UTRN: variants seen among roughly 807,000 people sequenced by gnomAD.
The protein encoded by UTRN is utrophin, also known as dystrophin-related protein 1.
Under a neutral mutation model 463.9 loss-of-function variants are expected in UTRN, and 283 were observed. The observed-to-expected ratio is 0.61, with a 90% CI of 0.55 to 0.67. UTRN has a LOEUF of 0.67. UTRN is among the 30% of genes least tolerant of loss of function. UTRN has a pLI of 0.00. For synonymous variants in UTRN, 1,442 were observed against 1,431.5 expected, an observed-to-expected ratio of 1.01 and a Z score of -0.17; for missense variants, 3,922 against 4,084.3, an observed-to-expected ratio of 0.96 and a Z score of 1.08.
intron 73 of UTRN, among the ~76,000 whole-genome samples, chr6:144,843,401 C>A (rs4143177): frequency 0.18 from 27,741 of 152,060 alleles, 3,032 homozygotes; most frequent in Admixed American, 0.38. Context: ...TATACTCTGA[C>A]ATCCAGATTT....
chr6:144,715,115 G>A (rs898278618), intron 53 of UTRN, among the ~76,000 whole-genome samples: 1 of 152,102 alleles, frequency 6.6e-6, no homozygotes, highest in African/African-American at 2.4e-5. Flanking sequence ...CTCTACTTGA[G>A]TGTGTAATAA....
intron 51 of UTRN, among the ~76,000 whole-genome samples, chr6:144,658,528 T>A (rs1205148985): frequency 6.8e-6 from 1 of 147,494 alleles, no homozygotes; most frequent in Non-Finnish European, 1.5e-5. Flanking sequence ...ATGCATATTC[T>A]GATTTTAGGG....
At chr6:144,507,795 C>A (rs1256010788) in intron 34 of UTRN, among the ~76,000 whole-genome samples, 1 of 152,180 alleles carries the variant, frequency 6.6e-6, no homozygotes, top group Non-Finnish European at 1.5e-5. Context: ...GAGCTCTGTG[C>A]TGGGAGATCC....
chr6:144,438,918 C>A (rs375252989), intron 12 of UTRN, 23 bp downstream of exon 12: 2 of 1,611,108 alleles, frequency 1.2e-6, no homozygotes, highest in African/African-American at 1.3e-5. Flanking sequence ...CATATTTCTT[C>A]GATACCTTAT....
intron 2 of UTRN, among the ~76,000 whole-genome samples, chr6:144,317,458 G>T (rs192227543): frequency 6.6e-6 from 1 of 151,996 alleles, no homozygotes; most frequent in Non-Finnish European, 1.5e-5. Flanking sequence ...GTGCAGTGGG[G>T]CCATCTCGGC....
intron 2 of UTRN, among the ~76,000 whole-genome samples, chr6:144,400,300 A>G (rs945448304): frequency 1.3e-5 from 2 of 152,196 alleles, no homozygotes; most frequent in African/African-American, 2.4e-5. Context: ...TTTGTTTTGG[A>G]GAAGTTAAAA....
chr6:144,569,858 T>A (rs948494991), intron 50 of UTRN, among the ~76,000 whole-genome samples: 2 of 152,148 alleles, frequency 1.3e-5, no homozygotes, highest in African/African-American at 4.8e-5. Context: ...CGACTTTACC[T>A]GCTGTTGCTG....
chr6:144,533,225 T>C lies in UTRN; in HGVS notation c.6198T>C (p.Asp2066=), dbSNP rs1407882718. 1 of 1,614,166 alleles carries C rather than the reference T, an allele frequency of 6.2e-7. No homozygotes were observed. The highest frequency in any genetic ancestry group is 1.7e-5 in the Admixed American group (1 of 60,024). ...TGGCAGGTTTAAACCAACGCTGGGA[T>C]GCAATTGTTGCAGAAGTGAAGGATA... is the stretch of plus-strand genomic sequence containing the variant. ...EKLAGLNQRW[D]AIVAEVKDRQ... Residue 2066 remains aspartate (D), a synonymous_variant, in exon 43 of 75, where the codon GAT becomes GAC. Transcript: ENST00000367545.
intron 9 of UTRN, among the ~76,000 whole-genome samples, chr6:144,433,918 G>A (rs1050073445): frequency 7.3e-5 from 11 of 151,538 alleles, no homozygotes; most frequent in South Asian, 2.1e-4. Context: ...AGGCAGAGAC[G>A]CTCCTCACTT....
chr6:144,472,140 G>C (rs897126338), intron 23 of UTRN, among the ~76,000 whole-genome samples: 7 of 152,164 alleles, frequency 4.6e-5, no homozygotes, highest in Non-Finnish European at 7.3e-5. Flanking sequence ...GTTTTTAGAA[G>C]CAGAAGATAT....
rs1788786792 is a variant in UTRN, at chr6:144,456,113, T to A, written c.2284+2244T>A. ...GATGCATCTATTAAAAAATTTTTTTTAGGACAACAGTGGGAAGCTGAGAAA... is the reference window on the plus strand; with the variant it reads ...GATGCATCTATTAAAAAATTTTTTTAAGGACAACAGTGGGAAGCTGAGAAA... On this transcript the variant is annotated intron_variant, in intron 19 of 74. Transcript: ENST00000367545. Among the ~76,000 whole-genome samples the A allele has an allele frequency of 4.6e-5, 7 of 152,286 alleles. No homozygotes were observed. The South Asian group carries it at 1.5e-3, about 32-fold the overall frequency.
Position 144,539,416 on chromosome 6 carries a change from AAG to A in UTRN, c.6493_6494del (p.Arg2165AspfsTer8). On this transcript the variant is annotated frameshift_variant, in exon 45 of 75. Coordinates refer to ENST00000367545, the MANE Select transcript of UTRN (RefSeq NM_007124.3). LOFTEE classifies it high-confidence loss of function. ...AAAGGGATAAAATTTCAGAAAGCTT[AAG>A]GACTGTAAATATGACATGGAATAAG... ...PERDKISESLRTVNMTWNKIC... is the reference protein window; with the variant it reads ...PERDKISESLXTVNMTWNKIC... 1 of 1,610,938 alleles carries A rather than the reference AAG, an allele frequency of 6.2e-7. No homozygotes were observed. Among genetic ancestry groups the A allele is most frequent in the Non-Finnish European group, 8.5e-7 (1 of 1,178,818 alleles).
At chr6:144,806,558 T>TTTCTGAAATTTCTTTCTGTTCACCCAC (rs1778165947) in intron 65 of UTRN, among the ~76,000 whole-genome samples, 4 of 102,148 alleles carry the variant, frequency 3.9e-5, no homozygotes, top group East Asian at 3.3e-4. Context: ...ATCTGATTGC[T>TTTCTGAAATTTCTTTCTGTTCACCCAC]ATTATTGTAG....
chr6:144,324,169 T>C (rs1302284543), intron 2 of UTRN, among the ~76,000 whole-genome samples: 1 of 152,206 alleles, frequency 6.6e-6, no homozygotes, highest in Non-Finnish European at 1.5e-5. Flanking sequence ...TTAATACATA[T>C]AGGTGAACTT....
chr6:144,499,897 A>G (rs117454044), intron 34 of UTRN, among the ~76,000 whole-genome samples: 2,244 of 152,326 alleles, frequency 0.015, 30 homozygotes, highest in Middle Eastern at 0.075. Context: ...TAATTCACTT[A>G]GGATAATGGC....
intron 2 of UTRN, among the ~76,000 whole-genome samples, chr6:144,301,578 C>G (rs1301718157): frequency 1.5e-5 from 2 of 130,658 alleles, no homozygotes; most frequent in African/African-American, 3.0e-5. Flanking sequence ...GGGTCTTGCT[C>G]CATTGCCCAG....
At chr6:144,515,545 T>C (rs1795543505) in intron 37 of UTRN, among the ~76,000 whole-genome samples, 1 of 152,114 alleles carries the variant, frequency 6.6e-6, no homozygotes, top group South Asian at 2.1e-4. Context: ...TTAATCCTAA[T>C]GTAGGAAAGT....
chr6:144,655,189 G>A (rs1172163763), intron 51 of UTRN, among the ~76,000 whole-genome samples: 1 of 152,196 alleles, frequency 6.6e-6, no homozygotes. Context: ...GGGGACTCAG[G>A]CCTCCATCCT....
intron 6 of UTRN, 26 bp from the exon 7 acceptor site, chr6:144,426,261 G>A (rs1785283129): frequency 6.2e-6 from 10 of 1,600,096 alleles, no homozygotes; most frequent in Middle Eastern, 3.3e-4. Flanking sequence ...TATTAGTTAT[G>A]GACAGGCCTG....
Sources: allele counts gnomAD v4.1 joint callset (sites outside exome capture counted in the v4.1 genomes callset), GRCh38; gene constraint gnomAD v4.1.1; transcripts MANE v1.5; gene names NCBI Gene and HGNC (gene_info 2026-07-23, HGNC 2026-07-21).